The following GAS2 variants were observed in gnomAD, a reference collection of about 807,000 sequenced individuals.
GAS2 encodes the protein growth arrest specific 2, also known as growth arrest-specific protein 2.
Under a neutral mutation model 37.5 loss-of-function variants are expected in GAS2, and 20 were observed. The ratio of observed to expected loss-of-function variants is 0.53; its 90% CI spans 0.37 to 0.77. The LOEUF (loss-of-function observed/expected upper bound fraction) is 0.77, where lower values mean the gene tolerates loss of function less well. Ranked by LOEUF, GAS2 falls within the 30% of genes least tolerant of loss-of-function variation. GAS2 has a pLI of 0.00. For synonymous variants in GAS2, 144 were observed against 132.2 expected, an observed-to-expected ratio of 1.09 and a Z score of -0.61; for missense variants, 336 against 373.4, an observed-to-expected ratio of 0.90 and a Z score of 0.82.
At chr11:22,795,010 G>T (rs1380721912) in intron 7 of GAS2, among the ~76,000 whole-genome samples, 1 of 151,966 alleles carries the variant, frequency 6.6e-6, no homozygotes, top group African/African-American at 2.4e-5. Context: ...CATCTATTAT[G>T]AAACAAAAAG....
At chr11:22,711,933 AGACAAAAGACATAATCTCTTGGGAGCT>A in intron 3 of GAS2, among the ~76,000 whole-genome samples, 1 of 152,272 alleles carries the variant, frequency 6.6e-6, no homozygotes, top group East Asian at 1.9e-4. Flanking sequence ...TGGTAACCAA[AGACAAAAGACATAATCTCTTGGGAGCT>A]GTGTGACCCT....
intron 1 of GAS2, among the ~76,000 whole-genome samples, chr11:22,646,272 T>A (rs528593370): frequency 6.6e-6 from 1 of 152,230 alleles, no homozygotes; most frequent in Non-Finnish European, 1.5e-5. Flanking sequence ...TAATTTCAAT[T>A]AGTTTGTTTA....
At chr11:22,780,249 C>G (rs1855484939) in intron 7 of GAS2, among the ~76,000 whole-genome samples, 1 of 152,104 alleles carries the variant, frequency 6.6e-6, no homozygotes, top group Non-Finnish European at 1.5e-5. Context: ...GTAATCCAAG[C>G]ACTTTGGAAG....
intron 1 of GAS2, among the ~76,000 whole-genome samples, chr11:22,645,506 AAT>A (rs1006815237): frequency 1.5e-4 from 22 of 149,952 alleles, no homozygotes; most frequent in African/African-American, 3.2e-4. Context: ...CTGTCTTAAA[AAT>A]ATATATATAT....
intron 7 of GAS2, among the ~76,000 whole-genome samples, chr11:22,766,701 A>G (rs746354631): frequency 2.0e-5 from 3 of 152,212 alleles, no homozygotes; most frequent in Non-Finnish European, 4.4e-5. Flanking sequence ...ATAGTTCAGT[A>G]TAGTTATTTA....
At chr11:22,704,980 A>T (rs1198782044) in intron 3 of GAS2, among the ~76,000 whole-genome samples, 1 of 152,134 alleles carries the variant, frequency 6.6e-6, no homozygotes, top group Non-Finnish European at 1.5e-5. Flanking sequence ...TTTACTAAGT[A>T]TTTACTTCGT....
At chr11:22,634,823 T>C (rs145293505) in intron 1 of GAS2, among the ~76,000 whole-genome samples, 67 of 152,206 alleles carry the variant, frequency 4.4e-4, no homozygotes, top group Non-Finnish European at 8.7e-4. Context: ...ATTTTCTTGG[T>C]TGTGAGATTT....
chr11:22,667,541 C>T (rs951082869), intron 1 of GAS2, among the ~76,000 whole-genome samples: 5 of 152,100 alleles, frequency 3.3e-5, no homozygotes, highest in Non-Finnish European at 7.4e-5. Context: ...TGCGTGGTAT[C>T]GTTCTTTTTG....
intron 7 of GAS2, among the ~76,000 whole-genome samples, chr11:22,777,240 G>A (rs1370450236): frequency 6.6e-6 from 1 of 152,062 alleles, no homozygotes; most frequent in Non-Finnish European, 1.5e-5. Context: ...TGTGCCATTT[G>A]GCTCCCTTGG....
chr11:22,763,406 C>CAAAAA (rs1263874955), intron 7 of GAS2, among the ~76,000 whole-genome samples: 11 of 152,132 alleles, frequency 7.2e-5, no homozygotes, highest in Non-Finnish European at 1.3e-4. Flanking sequence ...GCTCTTATGG[C>CAAAAA]ACATACTGAT....
intron 3 of GAS2, among the ~76,000 whole-genome samples, chr11:22,702,925 C>T (rs1327571411): frequency 6.6e-6 from 1 of 152,042 alleles, no homozygotes; most frequent in Non-Finnish European, 1.5e-5. Context: ...TATAAAGAGC[C>T]CCTTCAAAAT....
intron 1 of GAS2, among the ~76,000 whole-genome samples, chr11:22,643,207 A>G (rs984575026): frequency 5.3e-5 from 8 of 152,146 alleles, no homozygotes; most frequent in Non-Finnish European, 1.2e-4. Flanking sequence ...ACCAGACAAC[A>G]TCTTGAATTC....
intron 1 of GAS2, among the ~76,000 whole-genome samples, chr11:22,651,360 T>G (rs1246890024): frequency 2.0e-5 from 3 of 152,346 alleles, no homozygotes; most frequent in East Asian, 1.9e-4. Context: ...CATTTTTTCC[T>G]TCATTTCAAG....
At chr11:22,809,041 A>G (rs559425136) in intron 7 of GAS2, among the ~76,000 whole-genome samples, 51 of 152,306 alleles carry the variant, frequency 3.3e-4, no homozygotes, top group African/African-American at 1.2e-3. Flanking sequence ...ACAGAGGCGT[A>G]CACTGAGAAC....
At chr11:22,669,585 AGAGCT>A (rs1849122367) in intron 1 of GAS2, among the ~76,000 whole-genome samples, 1 of 152,210 alleles carries the variant, frequency 6.6e-6, no homozygotes, top group Admixed American at 6.5e-5. Flanking sequence ...AAGGATCACA[AGAGCT>A]GAGTAGGATA....
At chr11:22,653,039 T>TTCTTTCTTTCTC (rs1415429424) in intron 1 of GAS2, among the ~76,000 whole-genome samples, 1 of 139,858 alleles carries the variant, frequency 7.2e-6, no homozygotes, top group African/African-American at 2.6e-5. Context: ...TTCTTTCTCT[T>TTCTTTCTTTCTC]TCTTTCTTTC....
chr11:22,689,683 T>C (rs1289479668), intron 3 of GAS2, among the ~76,000 whole-genome samples: 1 of 152,174 alleles, frequency 6.6e-6, no homozygotes, highest in Non-Finnish European at 1.5e-5. Context: ...TAAATCTAAA[T>C]ACAAATTTAA....
chr11:22,697,326 A>G (rs925091967), intron 3 of GAS2, among the ~76,000 whole-genome samples: 3 of 152,148 alleles, frequency 2.0e-5, no homozygotes, highest in African/African-American at 4.8e-5. Context: ...TACCAGTACC[A>G]TGCTGTTTTG....
intron 2 of GAS2, among the ~76,000 whole-genome samples, chr11:22,679,611 C>T (rs424500): frequency 0.37 from 55,955 of 151,794 alleles, 11,314 homozygotes; most frequent in African/African-American, 0.55. Context: ...CTAAAATAAG[C>T]GTTCTCAAAT....
Sources: gnomAD v4.1 joint callset for allele counts (sites outside exome capture counted in the v4.1 genomes callset) on GRCh38, gnomAD v4.1.1 for gene constraint, MANE v1.5 for transcripts, NCBI Gene and HGNC (gene_info 2026-07-23, HGNC 2026-07-21) for gene names.